The following CCDC74A variants were observed in gnomAD, a reference collection of about 807,000 sequenced individuals.
The protein encoded by CCDC74A is coiled-coil domain containing 74A.
CCDC74A carries 38 observed loss-of-function variants against 37.6 expected under a neutral mutation model. The observed-to-expected ratio is 1.01, with a 90% CI of 0.78 to 1.33. The LOEUF is 1.33. Among genes scored for constraint, CCDC74A ranks in the 40% most tolerant of loss-of-function variants. The pLI, the probability that CCDC74A is intolerant of heterozygous loss-of-function variation, is 0.00. For missense variants in CCDC74A, 340 were observed against 403.4 expected, an observed-to-expected ratio of 0.84 and a Z score of 1.35; for synonymous variants, 134 against 165.2, an observed-to-expected ratio of 0.81 and a Z score of 1.45.
Position 131,533,006 on chromosome 2 carries a change from C to T in CCDC74A, c.753-7C>T, listed in dbSNP as rs1432640789. 1.2e-6 allele frequency: 2 copies of T among 1,613,854 alleles called. No individual in the cohort carries two copies. Among genetic ancestry groups the T allele is most frequent in the Non-Finnish European group, 1.7e-6 (2 of 1,179,870 alleles). On this transcript the variant is annotated splice_polypyrimidine_tract_variant and splice_region_variant and intron_variant, in intron 6 of 7. Transcript: ENST00000409856. ...CACAGCTCACTGCTGACTCTTCCTT[C>T]ACCCAGGGACCAAGAAGCCACGCAT...
rs939560657 is a variant in CCDC74A at position 131,530,398 on chromosome 2, G to T, written c.296-379G>T. 10 of 1,549,212 alleles carry T rather than the reference G, an allele frequency of 6.5e-6. No homozygotes were observed. The African/African-American group carries it at 1.1e-4, about 17-fold the overall frequency. ...TTCCCAGGGAGACATGGAGAAGGGG[G>T]TTGAGGGAGGGCCCTTCCCTAGCCG... is the stretch of plus-strand genomic sequence containing the variant. On this transcript the variant is annotated intron_variant, in intron 2 of 7. Transcript: ENST00000409856.
In CCDC74A at chr2:131,530,470, C is replaced by T. The variant is rs527593211; in HGVS notation, c.296-307C>T. 1.9e-3 allele frequency: 2,983 copies of T among 1,547,016 alleles called. 42 individuals are homozygous for T. In the African/African-American group the frequency reaches 0.037, roughly 19 times the overall value. ...GTTCTGGGCAAAGTGTGGCCCAAGT[C>T]GGCAGCCCCAGCCCTGCAGTGCTGG... On this transcript the variant is annotated intron_variant, in intron 2 of 7. Coordinates refer to ENST00000409856, the MANE Select transcript of CCDC74A (RefSeq NM_001258306.3).
chr2:131,530,351 G>A (rs1194643669), intron 2 of CCDC74A: 4 of 1,546,134 alleles, frequency 2.6e-6, no homozygotes, highest in Non-Finnish European at 2.6e-6. Context: ...ATCGCAGCTG[G>A]GGCAGTGCCT....
In CCDC74A at chr2:131,532,730, C is replaced by T. The variant is rs769502307; in HGVS notation, c.627C>T (p.Cys209=). Residue 209 remains cysteine (C), a synonymous_variant, in exon 5 of 8, where the codon TGC becomes TGT. Transcript: ENST00000409856. ...GAAAGCCCACCACACTTAGGCAGTGCGAAGTGCTCATCCGCGAGCTGTGGA... is the reference window on the plus strand; with the variant it reads ...GAAAGCCCACCACACTTAGGCAGTGTGAAGTGCTCATCCGCGAGCTGTGGA... ...PLRKPTTLRQ[C]EVLIRELWNT... The T allele has an allele frequency of 1.7e-5, 28 of 1,613,532 alleles. No individual in the cohort carries two copies. Among genetic ancestry groups the T allele is most frequent in the East Asian group, 1.1e-4 (5 of 44,864 alleles).
chr2:131,527,416 A>C (rs541477181), upstream of CCDC74A, among the ~76,000 whole-genome samples: 38 of 152,204 alleles, frequency 2.5e-4, no homozygotes, highest in Non-Finnish European at 5.0e-4. Context: ...CAGGCGCAAG[A>C]CACCATGCCC....
At chr2:131,530,119 C>G (rs1201017979) in intron 2 of CCDC74A, 1 of 1,550,118 alleles carries the variant, frequency 6.5e-7, no homozygotes, top group Non-Finnish European at 8.7e-7. Context: ...ACACTCCATC[C>G]AGGGATCCCT....
At chr2:131,527,623 T>C, upstream of CCDC74A, 1 of 270,192 alleles carries the variant, frequency 3.7e-6, no homozygotes, top group Non-Finnish European at 6.9e-6. Context: ...GCCTCCAGAG[T>C]AGCTGGGATT....
rs1254419316 is a variant in CCDC74A, at chr2:131,530,869, C to G, written c.346+42C>G. 3.7e-6 allele frequency: 6 copies of G among 1,600,804 alleles called. No homozygotes were observed. In the South Asian group the frequency reaches 6.7e-5, roughly 18 times the overall value. On this transcript the variant is annotated intron_variant, in intron 3 of 7. Transcript: ENST00000409856. ...CCATGTGCTCACAGGGGTGAGTGCC[C>G]CACGGGGACCCCAGCCTGGGTGGCC...
chr2:131,527,264 C>T (rs986369548), upstream of CCDC74A, among the ~76,000 whole-genome samples: 1 of 150,108 alleles, frequency 6.7e-6, no homozygotes, highest in African/African-American at 2.5e-5. Flanking sequence ...TGTGAGCCAC[C>T]GCGCCCAGCC....
chr2:131,529,580 C>T, intron 1 of CCDC74A, 67 bp from the exon 2 acceptor site: 1 of 1,607,674 alleles, frequency 6.2e-7, no homozygotes, highest in Non-Finnish European at 8.5e-7. Flanking sequence ...AGAGGACAGG[C>T]CAGGCTTCTT....
At chr2:131,522,888 A>T (rs1680170412), upstream of CCDC74A, among the ~76,000 whole-genome samples, 1 of 152,118 alleles carries the variant, frequency 6.6e-6, no homozygotes, top group Admixed American at 6.5e-5. Flanking sequence ...TAACCCTGAC[A>T]TTTCCAATAT....
chr2:131,532,743 C>T lies in CCDC74A; in HGVS notation c.640C>T (p.Arg214Cys), dbSNP rs774819631. 12 of 1,613,544 alleles carry T rather than the reference C, an allele frequency of 7.4e-6. No homozygotes were observed. The highest frequency in any genetic ancestry group is 5.5e-5 in the South Asian group (5 of 91,076). Residue 214 changes from arginine to cysteine, a missense_variant, in exon 5 of 8, where the codon CGC (arginine) becomes TGC (cysteine). Around this residue, in one of 3 missense-constraint regions of CCDC74A, gnomAD observed 185 missense variants for 231.5 expected, o/e 0.80. Transcript: ENST00000409856. ...ACTTAGGCAGTGCGAAGTGCTCATCCGCGAGCTGTGGAATACCAACCTCCT... is the reference window on the plus strand; with the variant it reads ...ACTTAGGCAGTGCGAAGTGCTCATCTGCGAGCTGTGGAATACCAACCTCCT... Reference protein sequence around the residue: ...TTLRQCEVLIRELWNTNLLQT... With the variant: ...TTLRQCEVLICELWNTNLLQT...
intron 1 of CCDC74A, chr2:131,529,292 G>C (rs1195002025): frequency 8.5e-6 from 4 of 473,168 alleles, no homozygotes; most frequent in African/African-American, 5.8e-5. Context: ...AGCCTCCCCC[G>C]CAGTCCCTGA....
At chr2:131,525,705 G>A (rs1680271799), upstream of CCDC74A, among the ~76,000 whole-genome samples, 1 of 132,292 alleles carries the variant, frequency 7.6e-6, no homozygotes, top group Non-Finnish European at 1.5e-5. Context: ...AAACCACTAT[G>A]CCTGCCTTTT....
intron 4 of CCDC74A, among the ~76,000 whole-genome samples, chr2:131,532,109 T>G (rs143223926): frequency 0.024 from 3,297 of 137,238 alleles, 73 homozygotes; most frequent in Middle Eastern, 0.039. Context: ...GTAATATTCT[T>G]ACCAAGAGAA....
rs1573552811 is a variant in CCDC74A, at chr2:131,532,573, G to A, written c.486-16G>A. On this transcript the variant is annotated splice_polypyrimidine_tract_variant and intron_variant, in intron 4 of 7. Coordinates refer to ENST00000409856, the MANE Select transcript of CCDC74A (RefSeq NM_001258306.3). ...CCTGGGCAGGTCACCTCTGGCTGCT[G>A]CAATGACTGTTTCAGAAAGGAGAAA... The A allele has an allele frequency of 6.4e-7, 1 of 1,551,390 alleles. No homozygotes were observed. Among genetic ancestry groups the A allele is most frequent in the Non-Finnish European group, 8.7e-7 (1 of 1,150,874 alleles).
upstream of CCDC74A, among the ~76,000 whole-genome samples, chr2:131,523,794 A>G (rs1331233261): frequency 7.9e-5 from 12 of 152,180 alleles, no homozygotes; most frequent in East Asian, 7.8e-4. Context: ...ATGACCTTCC[A>G]GGGGCACCCC....
intron 1 of CCDC74A, among the ~76,000 whole-genome samples, chr2:131,528,836 A>G (rs1296874275): frequency 7.2e-5 from 11 of 152,138 alleles, no homozygotes; most frequent in East Asian, 1.9e-4. Context: ...AAAACTTTAT[A>G]CAGGGAAACG....
chr2:131,524,003 T>G (rs1432955254), upstream of CCDC74A, among the ~76,000 whole-genome samples: 1 of 152,106 alleles, frequency 6.6e-6, no homozygotes, highest in East Asian at 1.9e-4. Context: ...CTTAGGTCTC[T>G]TCCAAGCATA....
Sources: gnomAD v4.1 joint callset for allele counts (sites outside exome capture counted in the v4.1 genomes callset) on GRCh38, gnomAD v4.1.1 for gene constraint, gnomAD v4.1.1 regional missense constraint, MANE v1.5 for transcripts, NCBI Gene and HGNC (gene_info 2026-07-23, HGNC 2026-07-21) for gene names.